Variants in RARS2 observed in about 807,000 individuals in gnomAD.
RARS2 encodes probable arginine--tRNA ligase, mitochondrial.
In RARS2, 67 loss-of-function variants were observed where a neutral mutation model predicts 88.5. The ratio of observed to expected loss-of-function variants is 0.76; its 90% CI spans 0.62 to 0.93. The LOEUF is 0.93. Ranked by LOEUF, RARS2 falls within the 40% of genes least tolerant of loss-of-function variation. RARS2 has a pLI of 0.00. For synonymous variants in RARS2, 239 were observed against 230.3 expected (o/e 1.04, Z -0.34); for missense variants, 664 against 684.2 (o/e 0.97, Z 0.33).
At chr6:87,544,453 A>C (rs1293127348) in intron 7 of RARS2, among the ~76,000 whole-genome samples, 1 of 152,246 alleles carries the variant, frequency 6.6e-6, no homozygotes, top group East Asian at 1.9e-4. Context: ...CACAAATAAG[A>C]ACATAAGACA....
chr6:87,552,465 G>A (rs1420616998), intron 5 of RARS2, among the ~76,000 whole-genome samples: 2 of 152,140 alleles, frequency 1.3e-5, no homozygotes, highest in East Asian at 3.8e-4. Context: ...AGATAGACAG[G>A]CTCTGCCTTC....
intron 19 of RARS2, 88 bp from the exon 20 acceptor site, chr6:87,514,587 T>C (rs1023037157): frequency 1.7e-6 from 2 of 1,179,934 alleles, no homozygotes; most frequent in South Asian, 2.5e-5. Flanking sequence ...TTATTCTTTC[T>C]AGTTTAAAGC....
chr6:87,538,330 A>G (rs751034592), intron 8 of RARS2, among the ~76,000 whole-genome samples: 1 of 152,204 alleles, frequency 6.6e-6, no homozygotes, highest in Non-Finnish European at 1.5e-5. Context: ...AAGCAACACC[A>G]TTATTATTCG....
chr6:87,572,198 C>A (rs1182725736), intron 1 of RARS2, among the ~76,000 whole-genome samples: 1 of 151,836 alleles, frequency 6.6e-6, no homozygotes, highest in Non-Finnish European at 1.5e-5. Flanking sequence ...ATAGTTTTCA[C>A]AGCTGAAATA....
intron 7 of RARS2, among the ~76,000 whole-genome samples, chr6:87,545,099 C>T (rs1303325326): frequency 6.6e-6 from 1 of 152,168 alleles, no homozygotes; most frequent in Non-Finnish European, 1.5e-5. Flanking sequence ...TCAGGTCTTA[C>T]TCTGGGGTTT....
intron 1 of RARS2, 199 bp downstream of exon 1, chr6:87,589,723 G>A (rs1219591758): frequency 1.0e-6 from 1 of 985,222 alleles, no homozygotes; most frequent in Non-Finnish European, 1.2e-6. Context: ...ACTTTTCACC[G>A]AGACAAACTG....
intron 1 of RARS2, among the ~76,000 whole-genome samples, chr6:87,584,420 T>C (rs1000584057): frequency 7.2e-5 from 11 of 152,200 alleles, no homozygotes; most frequent in Non-Finnish European, 1.0e-4. Context: ...ATTTTATTAA[T>C]AGCCCTATAA....
intron 1 of RARS2, among the ~76,000 whole-genome samples, chr6:87,574,026 C>A (rs1474080857): frequency 1.3e-5 from 2 of 152,206 alleles, no homozygotes; most frequent in Non-Finnish European, 2.9e-5. Flanking sequence ...TGGAGAAAAA[C>A]AAATTGAATA....
At chr6:87,585,007 CT>C (rs1774712356) in intron 1 of RARS2, among the ~76,000 whole-genome samples, 1 of 152,114 alleles carries the variant, frequency 6.6e-6, no homozygotes, top group Admixed American at 6.5e-5. Flanking sequence ...AAATCCTGCC[CT>C]TAAGTACTAT....
At chr6:87,533,926 T>C (rs370430005) in intron 8 of RARS2, among the ~76,000 whole-genome samples, 1 of 152,208 alleles carries the variant, frequency 6.6e-6, no homozygotes, top group East Asian at 1.9e-4. Flanking sequence ...GCCATGCTTA[T>C]CTTAGAAATA....
intron 8 of RARS2, among the ~76,000 whole-genome samples, 173 bp from the exon 9 acceptor site, chr6:87,531,115 T>C (rs922975699): frequency 4.6e-5 from 7 of 152,188 alleles, no homozygotes; most frequent in Admixed American, 6.5e-5. Context: ...GTGAAGCATA[T>C]AGACCCCTTC....
intron 8 of RARS2, 52 bp downstream of exon 8, chr6:87,541,866 T>C (rs1781086000): frequency 7.5e-7 from 1 of 1,324,652 alleles, no homozygotes; most frequent in Non-Finnish European, 1.1e-6. Context: ...AACATGTTAC[T>C]AAGCTACATA....
intron 10 of RARS2, 144 bp downstream of exon 10, chr6:87,529,398 G>A: frequency 1.5e-6 from 1 of 656,650 alleles, no homozygotes; most frequent in South Asian, 1.7e-5. Flanking sequence ...ACAGAATGTG[G>A]GAAAGTACTC....
At chr6:87,578,104 G>A (rs1050178091) in intron 1 of RARS2, among the ~76,000 whole-genome samples, 2 of 144,184 alleles carry the variant, frequency 1.4e-5, no homozygotes, top group Non-Finnish European at 3.0e-5. Flanking sequence ...GCAACATAGC[G>A]AGACCCCCCC....
At chr6:87,541,861 G>T in intron 8 of RARS2, 57 bp downstream of exon 8, 2 of 1,287,446 alleles carry the variant, frequency 1.6e-6, no homozygotes, top group Non-Finnish European at 2.3e-6. Flanking sequence ...TTAAAAACAT[G>T]TTACTAAGCT....
intron 4 of RARS2, among the ~76,000 whole-genome samples, chr6:87,561,839 C>T (rs1283379383): frequency 2.6e-5 from 4 of 152,182 alleles, no homozygotes; most frequent in Non-Finnish European, 5.9e-5. Context: ...AAAGCCCTGA[C>T]TCTTGTCCCT....
chr6:87,518,116 T>TA, intron 17 of RARS2, 53 bp downstream of exon 17: 1 of 1,613,820 alleles, frequency 6.2e-7, no homozygotes, highest in Non-Finnish European at 8.5e-7. Context: ...AAAATGCTAA[T>TA]AGCCATTTTG....
intron 1 of RARS2, among the ~76,000 whole-genome samples, chr6:87,587,067 C>T (rs1338219187): frequency 1.3e-5 from 2 of 152,070 alleles, no homozygotes; most frequent in African/African-American, 2.4e-5. Flanking sequence ...TGCCACCATG[C>T]CCAACTAATT....
At chr6:87,518,523 G>A in intron 16 of RARS2, 107 bp downstream of exon 16, 1 of 1,327,476 alleles carries the variant, frequency 7.5e-7, no homozygotes, top group Non-Finnish European at 1.1e-6. Context: ...GATGTGAATA[G>A]AAGATATTGG....
Sources: gnomAD v4.1 joint callset for allele counts (sites outside exome capture counted in the v4.1 genomes callset) on GRCh38, gnomAD v4.1.1 for gene constraint, MANE v1.5 for transcripts, NCBI Gene and HGNC (gene_info 2026-07-23, HGNC 2026-07-21) for gene names.